The following ADGRL2 variants were observed in gnomAD, a reference collection of about 807,000 sequenced individuals.
ADGRL2 encodes the protein adhesion G protein-coupled receptor L2, also known as calcium-independent alpha-latrotoxin receptor 2.
In ADGRL2, 44 loss-of-function variants were observed where a neutral mutation model predicts 157.4. That is an observed-to-expected ratio of 0.28 (90% confidence interval 0.22 to 0.36). ADGRL2 has a LOEUF of 0.36. ADGRL2 is among the 10% of genes least tolerant of loss of function. ADGRL2 has a pLI of 1.00. For synonymous variants in ADGRL2, 585 were observed against 624.7 expected (o/e 0.94, Z 0.95); for missense variants, 1,510 against 1,768.9 (o/e 0.85, Z 2.63).
At chr1:81,378,128 G>A (rs1477394461) in intron 1 of ADGRL2, among the ~76,000 whole-genome samples, 10 of 151,874 alleles carry the variant, frequency 6.6e-5, no homozygotes, top group Admixed American at 6.6e-5. Context: ...GCAGCGAGCC[G>A]AGATCGTGCC....
chr1:81,895,718 A>G, intron 2 of ADGRL2, among the ~76,000 whole-genome samples: 1 of 152,138 alleles, frequency 6.6e-6, no homozygotes, highest in South Asian at 2.1e-4. Flanking sequence ...TTAAAAAGGA[A>G]ATTTTGGTTA....
chr1:81,362,550 C>A (rs2075997106), intron 1 of ADGRL2, among the ~76,000 whole-genome samples: 1 of 151,904 alleles, frequency 6.6e-6, no homozygotes, highest in African/African-American at 2.4e-5. Context: ...AAATTTTTAA[C>A]AACTGAAGTT....
chr1:81,598,364 G>GA (rs2081275812), intron 3 of ADGRL2, among the ~76,000 whole-genome samples: 2 of 152,180 alleles, frequency 1.3e-5, no homozygotes, highest in African/African-American at 4.8e-5. Flanking sequence ...GGTTAGGAAA[G>GA]AGAGTAGGTA....
chr1:81,582,726 C>A (rs2080941167), intron 3 of ADGRL2, among the ~76,000 whole-genome samples: 1 of 152,144 alleles, frequency 6.6e-6, no homozygotes, highest in South Asian at 2.1e-4. Context: ...CCTATAAAAA[C>A]AATCCTTCGT....
chr1:81,589,124 T>C lies in ADGRL2; in HGVS notation c.-143+8144T>C, dbSNP rs202235131. Reference sequence around the variant, plus strand: ...GTGCACACTATACTCCAAAAGATAATACTTATCCCCATAGGATGCCATCTC... The same window carrying C: ...GTGCACACTATACTCCAAAAGATAACACTTATCCCCATAGGATGCCATCTC... On this transcript the variant is annotated intron_variant, in intron 3 of 24. Transcript: ENST00000370721. Among the ~76,000 whole-genome samples the C allele has an allele frequency of 9.2e-5, 14 of 152,284 alleles. No homozygotes were observed. The East Asian group carries it at 2.7e-3, about 29-fold the overall frequency.
At chr1:81,618,686 T>A (rs2081718595) in intron 3 of ADGRL2, among the ~76,000 whole-genome samples, 1 of 152,234 alleles carries the variant, frequency 6.6e-6, no homozygotes, top group Admixed American at 6.5e-5. Flanking sequence ...GATATAGTTA[T>A]GTGTTTTACA....
intron 11 of ADGRL2, among the ~76,000 whole-genome samples, chr1:81,962,649 T>C (rs1040332281): frequency 6.6e-5 from 10 of 152,174 alleles, no homozygotes; most frequent in East Asian, 1.9e-4. Context: ...TTTACAGTTA[T>C]GTCTTGAATC....
chr1:81,860,302 A>T (rs1347962139), intron 2 of ADGRL2, among the ~76,000 whole-genome samples: 1 of 152,112 alleles, frequency 6.6e-6, no homozygotes, highest in Non-Finnish European at 1.5e-5. Context: ...AATTCCTTTG[A>T]ATTATTTTTT....
chr1:81,691,529 G>A lies in ADGRL2; in HGVS notation c.-142-70282G>A, dbSNP rs183036793. 2.0e-5 allele frequency among the ~76,000 whole-genome samples: 3 copies of A among 151,274 alleles called. No homozygotes were observed. In the East Asian group the frequency reaches 5.8e-4, roughly 29 times the overall value. On this transcript the variant is annotated intron_variant, in intron 3 of 24. Coordinates refer to the ADGRL2 transcript ENST00000370721. Reference sequence around the variant, plus strand: ...ACTTTTTTTTTTGAGACGGAGTTTCGCTCTTGTTGCCCAGGCTGGAGTGCA... The same window carrying A: ...ACTTTTTTTTTTGAGACGGAGTTTCACTCTTGTTGCCCAGGCTGGAGTGCA...
At chr1:81,323,025 T>C (rs1348964720) in intron 1 of ADGRL2, among the ~76,000 whole-genome samples, 1 of 152,018 alleles carries the variant, frequency 6.6e-6, no homozygotes, top group Non-Finnish European at 1.5e-5. Context: ...ACCCAGCTAA[T>C]TTTTGTATTT....
intron 2 of ADGRL2, among the ~76,000 whole-genome samples, chr1:81,498,044 AAAT>A (rs1370962565): frequency 2.6e-5 from 4 of 151,886 alleles, no homozygotes; most frequent in Admixed American, 6.6e-5. Flanking sequence ...GTCTCTACTA[AAAT>A]AATAATAATA....
In ADGRL2 at chr1:81,527,434, G is replaced by A. The variant is rs1043678687; in HGVS notation, c.-247-53442G>A. Among the ~76,000 whole-genome samples the A allele has an allele frequency of 2.5e-4, 38 of 152,148 alleles. 1 individual carries two copies. Among genetic ancestry groups the A allele is most frequent in the African/African-American group, 6.8e-4 (28 of 41,436 alleles). The stretch of plus-strand genomic sequence containing the variant: ...TGTCCTTATAAAAGCGGTCGAAGTC[G>A]AGCACGGTGGCTCAGGCCTGTAATC... On this transcript the variant is annotated intron_variant, in intron 2 of 24. Transcript: ENST00000370721.
chr1:81,749,014 A>G (rs1557618711), intron 1 of ADGRL2, among the ~76,000 whole-genome samples: 1 of 152,302 alleles, frequency 6.6e-6, no homozygotes, highest in East Asian at 1.9e-4. Flanking sequence ...TACTGTTTGA[A>G]GTAGAACAGC....
rs1480627062 is a variant in ADGRL2, at chr1:81,951,018, G to C, written c.1505G>C (p.Gly502Ala). The C allele has an allele frequency of 5.6e-6, 9 of 1,603,830 alleles. No individual in the cohort carries two copies. The highest frequency in any genetic ancestry group is 7.7e-6 in the Non-Finnish European group (9 of 1,171,058). ...VERPCPKGTR[G>A]TASYLCMIST... ...CTGTTGTTTTCTACATCTGTTGTAG[G>C]AACTGCCTCATATCTCTGCATGATT... The change falls in exon 8 of 24, where the codon GGA (glycine) becomes GCA (alanine). Residue 502 changes from glycine to alanine, a missense_variant and splice_region_variant. Around this residue, in one of 4 missense-constraint regions of ADGRL2, gnomAD observed 325 missense variants for 333.2 expected, o/e 0.98. Transcript: ENST00000686636.
intron 1 of ADGRL2, among the ~76,000 whole-genome samples, chr1:81,718,473 A>G (rs1397835203): frequency 6.6e-6 from 1 of 151,544 alleles, no homozygotes; most frequent in Non-Finnish European, 1.5e-5. Context: ...AAAAAAAAAA[A>G]TCCTCTGTGA....
intron 1 of ADGRL2, among the ~76,000 whole-genome samples, chr1:81,733,024 A>C (rs78107578): frequency 0.013 from 2,000 of 152,308 alleles, 40 homozygotes; most frequent in African/African-American, 0.046. Flanking sequence ...ATACTGTAGA[A>C]TTGCATTTAT....
chr1:81,602,942 G>C (rs527342161), intron 3 of ADGRL2, among the ~76,000 whole-genome samples: 1 of 150,896 alleles, frequency 6.6e-6, no homozygotes, highest in South Asian at 2.1e-4. Flanking sequence ...GAAACTAGCA[G>C]CACGAGAGAC....
At chr1:81,407,049 A>T (rs542298811) in intron 1 of ADGRL2, among the ~76,000 whole-genome samples, 1 of 152,276 alleles carries the variant, frequency 6.6e-6, no homozygotes, top group Non-Finnish European at 1.5e-5. Flanking sequence ...TCTGGAAGAA[A>T]TGTGTATTTC....
In ADGRL2 at chr1:81,990,590, C is replaced by T. The variant is rs752618017; in HGVS notation, c.3855C>T (p.Ser1285=). 6.2e-7 allele frequency: 1 copy of T among 1,614,160 alleles called. No individual in the cohort carries two copies. The highest frequency in any genetic ancestry group is 8.5e-7 in the Non-Finnish European group (1 of 1,180,026). ...TAGTGCACAACAACTTACGGGGCAGCAGCAAGACTCACAACCTCGAGCTCA... is the reference window on the plus strand; with the variant it reads ...TAGTGCACAACAACTTACGGGGCAGTAGCAAGACTCACAACCTCGAGCTCA... ...SELVHNNLRG[S]SKTHNLELTL... is the part of the protein sequence containing the mutation. Residue 1285 remains serine, a synonymous_variant, in exon 24 of 24, where the codon AGC becomes AGT. Transcript: ENST00000686636.
Sources: gnomAD v4.1 joint callset for allele counts (sites outside exome capture counted in the v4.1 genomes callset) on GRCh38, gnomAD v4.1.1 for gene constraint, gnomAD v4.1.1 regional missense constraint, MANE v1.5 for transcripts, NCBI Gene and HGNC (gene_info 2026-07-23, HGNC 2026-07-21) for gene names.